Variants in NFIB observed in about 807,000 individuals in gnomAD.
The protein encoded by NFIB is nuclear factor 1 B-type.
NFIB carries 11 observed loss-of-function variants against 61.5 expected under a neutral mutation model. That is an observed-to-expected ratio of 0.18 (90% CI 0.11 to 0.30). The LOEUF (loss-of-function observed/expected upper bound fraction) is 0.30. NFIB is among the 10% of genes least tolerant of loss of function. The pLI is 1.00. For synonymous variants in NFIB, 260 were observed against 216.5 expected (o/e 1.20, Z -1.76); for missense variants, 471 against 608.9 (o/e 0.77, Z 2.38).
At chr9:14,129,241 G>A (rs924418332) in intron 6 of NFIB, among the ~76,000 whole-genome samples, 7 of 151,976 alleles carry the variant, frequency 4.6e-5, no homozygotes, top group Non-Finnish European at 1.0e-4. Context: ...GGTGAAGAAC[G>A]GTAGTATCAG....
At chr9:14,348,819 C>T (rs905414119) in intron 1 of NFIB, among the ~76,000 whole-genome samples, 3 of 152,240 alleles carry the variant, frequency 2.0e-5, no homozygotes, top group African/African-American at 7.2e-5. Flanking sequence ...GTGCTGGGCC[C>T]CTGGCTGCGG....
intron 2 of NFIB, among the ~76,000 whole-genome samples, chr9:14,197,237 T>G (rs2048568650): frequency 6.6e-6 from 1 of 152,208 alleles, no homozygotes; most frequent in Non-Finnish European, 1.5e-5. Flanking sequence ...CCCTTCTGAC[T>G]TTCTTAGGAT....
chr9:14,446,025 C>T, the NFIB span, among the ~76,000 whole-genome samples: 2 of 152,160 alleles, frequency 1.3e-5, no homozygotes, highest in Non-Finnish European at 2.9e-5. Flanking sequence ...GCATAGAATT[C>T]CAGGTTCTCT....
At position 14,191,559 on chromosome 9, in the gene NFIB, G is replaced by A. The variant is rs576086970; in HGVS notation, c.563-11779C>T. Among the ~76,000 whole-genome samples, 5 of 152,154 alleles carry A rather than the reference G, an allele frequency of 3.3e-5. No homozygotes were observed. In the East Asian group the frequency reaches 9.7e-4, roughly 29 times the overall value. ...CTCAAAATTCCTCCCATTTTGTCTT[G>A]TTACTCATTTTATCTTTAATAGAGA... is the stretch of plus-strand genomic sequence containing the variant. On this transcript the variant is annotated intron_variant, in intron 2 of 10. Coordinates refer to ENST00000380953, the MANE Select transcript of NFIB (RefSeq NM_001190737.2).
At chr9:14,292,286 G>A (rs900014500) in intron 2 of NFIB, among the ~76,000 whole-genome samples, 35 of 152,108 alleles carry the variant, frequency 2.3e-4, no homozygotes, top group Middle Eastern at 3.4e-3. Flanking sequence ...GGATTTTCCC[G>A]GCTCTAAAAT....
intron 2 of NFIB, among the ~76,000 whole-genome samples, chr9:14,232,673 T>C (rs1345849598): frequency 6.6e-6 from 1 of 152,170 alleles, no homozygotes; most frequent in Non-Finnish European, 1.5e-5. Context: ...CTAAGAATTC[T>C]TTTCACCTTG....
rs2060367840 is a variant in NFIB, at chr9:14,313,195, G to A, written c.30+287C>T. 6.6e-6 allele frequency among the ~76,000 whole-genome samples: 1 copy of A among 152,026 alleles called. No individual in the cohort carries two copies. Among genetic ancestry groups the A allele is most frequent in the African/African-American group, 2.4e-5 (1 of 41,430 alleles). On this transcript the variant is annotated intron_variant, in intron 1 of 10. Transcript: ENST00000380953. The surrounding 1 kb of genome is among the most constrained non-coding windows in gnomAD (Gnocchi z 4.5). ...AACGGGCACTTGAGGGGCCGCACGGGGCCTCGCACTTACAGGTCCCGGCCC... is the reference window on the plus strand; with the variant it reads ...AACGGGCACTTGAGGGGCCGCACGGAGCCTCGCACTTACAGGTCCCGGCCC...
intron 2 of NFIB, among the ~76,000 whole-genome samples, chr9:14,303,255 T>C (rs76543072): frequency 2.6e-5 from 4 of 152,220 alleles, no homozygotes; most frequent in Non-Finnish European, 5.9e-5. Context: ...CAGTCAGTCA[T>C]AATGAATGCA....
chr9:14,282,558 A>T (rs140619304), intron 2 of NFIB, among the ~76,000 whole-genome samples: 16 of 152,340 alleles, frequency 1.1e-4, no homozygotes, highest in African/African-American at 3.8e-4. Context: ...TGATAAACAT[A>T]GTCTTTAGAG....
intron 2 of NFIB, among the ~76,000 whole-genome samples, chr9:14,188,548 A>G (rs949937118): frequency 2.0e-5 from 3 of 152,248 alleles, no homozygotes; most frequent in Admixed American, 2.0e-4. Flanking sequence ...TGTTGGAAGC[A>G]AAACATTTCC....
chr9:14,205,040 G>A, intron 2 of NFIB: 1 of 262,994 alleles, frequency 3.8e-6, no homozygotes, highest in Non-Finnish European at 7.6e-6. Flanking sequence ...ACCAAACTGG[G>A]TTAAATGTAC....
At chr9:14,370,931 C>T (rs2061351035) in intron 1 of NFIB, among the ~76,000 whole-genome samples, 1 of 152,072 alleles carries the variant, frequency 6.6e-6, no homozygotes, top group Non-Finnish European at 1.5e-5. Flanking sequence ...CCCATCTCTA[C>T]AAAAAATACA....
chr9:14,478,462 A>C, the NFIB span, among the ~76,000 whole-genome samples: 1 of 152,254 alleles, frequency 6.6e-6, no homozygotes, highest in African/African-American at 2.4e-5. Flanking sequence ...AGTACTGAGT[A>C]GAACACCATT....
upstream of NFIB, among the ~76,000 whole-genome samples, chr9:14,318,132 A>G (rs2060582072): frequency 6.6e-6 from 1 of 152,216 alleles, no homozygotes; most frequent in Non-Finnish European, 1.5e-5. Flanking sequence ...TTCTCTCAGC[A>G]ACAGGAAACT....
intron 1 of NFIB, among the ~76,000 whole-genome samples, chr9:14,395,072 T>C (rs1408560611): frequency 6.6e-6 from 1 of 152,166 alleles, no homozygotes; most frequent in Non-Finnish European, 1.5e-5. Flanking sequence ...AGTCAAGGTC[T>C]ACATTTCTGC....
chr9:14,388,505 A>G (rs2061582107), intron 1 of NFIB, among the ~76,000 whole-genome samples: 1 of 151,058 alleles, frequency 6.6e-6, no homozygotes, highest in African/African-American at 2.4e-5. Flanking sequence ...GAGAGAAAGT[A>G]AGGAGGGAAG....
At chr9:14,476,616 A>C in the NFIB span, among the ~76,000 whole-genome samples, 1 of 152,208 alleles carries the variant, frequency 6.6e-6, no homozygotes, top group South Asian at 2.1e-4. Context: ...ATCATCACGC[A>C]AAATTCCTGA....
At chr9:14,343,570 G>C (rs1170338927) in intron 1 of NFIB, among the ~76,000 whole-genome samples, 5 of 152,194 alleles carry the variant, frequency 3.3e-5, no homozygotes, top group African/African-American at 1.2e-4. Flanking sequence ...GCTGCAGTCT[G>C]GATTCTTGCC....
chr9:14,412,966 G>A, the NFIB span, among the ~76,000 whole-genome samples: 5 of 152,110 alleles, frequency 3.3e-5, no homozygotes, highest in Non-Finnish European at 7.4e-5. Flanking sequence ...CACTCCAGAA[G>A]AGCCACAGTA....
Sources: gnomAD v4.1 joint callset for allele counts (sites outside exome capture counted in the v4.1 genomes callset) on GRCh38, gnomAD v4.1.1 for gene constraint, Gnocchi (gnomAD v3.1) non-coding constraint, MANE v1.5 for transcripts, NCBI Gene and HGNC (gene_info 2026-07-23, HGNC 2026-07-21) for gene names.